Variants in SNTG2 observed in about 807,000 individuals in gnomAD.
SNTG2 encodes the protein syntrophin gamma 2.
A neutral mutation model predicts 70.9 loss-of-function variants in SNTG2; 74 were observed. The ratio of observed to expected loss-of-function variants is 1.04; its 90% CI spans 0.86 to 1.27. The LOEUF is 1.27. Ranked by LOEUF, SNTG2 falls within the 50% of genes most tolerant of loss-of-function variation. The pLI, the probability that SNTG2 is intolerant of heterozygous loss-of-function variation, is 0.00. For missense variants in SNTG2, 717 were observed against 690.7 expected (o/e 1.04, Z -0.43); for synonymous variants, 278 against 273.8 (o/e 1.02, Z -0.15).
Position 1,239,742 on chromosome 2 carries a change from A to C in SNTG2, c.854A>C (p.Lys285Thr). The C allele has an allele frequency of 5.0e-6, 8 of 1,613,476 alleles. No homozygotes were observed. Among genetic ancestry groups the C allele is most frequent in the Non-Finnish European group, 6.8e-6 (8 of 1,179,770 alleles). Reference sequence around the variant, plus strand: ...TCTTCTGCCTTCTCTCCACAGATGAAGATGGCGAACAAATGCTGCTCTCCT... The same window carrying C: ...TCTTCTGCCTTCTCTCCACAGATGACGATGGCGAACAAATGCTGCTCTCCT... ...NIRELTLQNM[K>T]MANKCCSPSD... The change falls in exon 11 of 17, where the codon AAG becomes ACG. Residue 285 changes from lysine (K) to threonine (T), a missense_variant. Lys to Thr is a moderately conservative substitution (Grantham distance 78, BLOSUM62 -1). Coordinates refer to ENST00000308624, the MANE Select transcript of SNTG2 (RefSeq NM_018968.4).
chr2:1,267,612 G>GAGCA, intron 14 of SNTG2, 41 bp downstream of exon 14: 10 of 1,533,838 alleles, frequency 6.5e-6, no homozygotes, highest in Non-Finnish European at 8.1e-6. Flanking sequence ...ACACCTGCTC[G>GAGCA]GGTGTCTGAG....
chr2:1,040,298 C>T (rs1490325257), intron 1 of SNTG2, among the ~76,000 whole-genome samples: 1 of 152,182 alleles, frequency 6.6e-6, no homozygotes, highest in African/African-American at 2.4e-5. Flanking sequence ...CAGGCCATTC[C>T]ACTGGGGACC....
At chr2:1,247,852 T>TTAAAAATACCTTATTTAAAATACC (rs1185291220) in intron 12 of SNTG2, among the ~76,000 whole-genome samples, 1 of 152,202 alleles carries the variant, frequency 6.6e-6, no homozygotes. Context: ...TCTCCCAAGT[T>TTAAAAATACCTTATTTAAAATACC]TTATTTAAAA....
At chr2:1,171,500 A>G (rs1168312831) in intron 7 of SNTG2, among the ~76,000 whole-genome samples, 1 of 152,218 alleles carries the variant, frequency 6.6e-6, no homozygotes, top group Non-Finnish European at 1.5e-5. Context: ...CAAATAGATA[A>G]CAGTGAAATG....
intron 1 of SNTG2, among the ~76,000 whole-genome samples, chr2:965,938 G>T (rs1263362040): frequency 1.1e-4 from 17 of 152,106 alleles, no homozygotes; most frequent in Non-Finnish European, 1.3e-4. Context: ...AGGGCGGGCT[G>T]GGCCCAGCTC....
chr2:1,067,608 CAA>C (rs1206480386), intron 1 of SNTG2, among the ~76,000 whole-genome samples: 1 of 152,090 alleles, frequency 6.6e-6, no homozygotes, highest in Non-Finnish European at 1.5e-5. Flanking sequence ...AGTTTGGGCT[CAA>C]AGAGAGCAAG....
At chr2:1,219,922 A>G (rs1001018034) in intron 9 of SNTG2, 6 of 152,244 alleles carry the variant, frequency 3.9e-5, no homozygotes, top group African/African-American at 1.2e-4. Flanking sequence ...GATGGGCTCT[A>G]TAGTAGTCAT....
chr2:1,157,571 T>G (rs888667504), intron 6 of SNTG2, among the ~76,000 whole-genome samples: 22 of 152,208 alleles, frequency 1.4e-4, no homozygotes, highest in African/African-American at 5.3e-4. Context: ...TGGGTTTCAA[T>G]GTTGAAAGGA....
chr2:957,816 C>G (rs1015491376), intron 1 of SNTG2, among the ~76,000 whole-genome samples: 6 of 152,234 alleles, frequency 3.9e-5, no homozygotes, highest in African/African-American at 1.4e-4. Flanking sequence ...CCTGGAGCCT[C>G]TGGAGGAATT....
At chr2:1,070,835 G>A (rs1490740250) in intron 1 of SNTG2, among the ~76,000 whole-genome samples, 1 of 152,204 alleles carries the variant, frequency 6.6e-6, no homozygotes, top group South Asian at 2.1e-4. Flanking sequence ...CCTGCTGCTG[G>A]TGGAGTCTGT....
At chr2:1,267,687 T>A in intron 14 of SNTG2, 116 bp downstream of exon 14, 1 of 941,066 alleles carries the variant, frequency 1.1e-6, no homozygotes, top group Non-Finnish European at 1.6e-6. Context: ...AAGGTGAGAA[T>A]CTTTCACCGG....
intron 1 of SNTG2, among the ~76,000 whole-genome samples, chr2:973,173 G>T (rs1011235889): frequency 1.3e-5 from 2 of 151,972 alleles, no homozygotes; most frequent in Non-Finnish European, 2.9e-5. Flanking sequence ...TATTTAATCC[G>T]TATTTCTGTC....
intron 14 of SNTG2, among the ~76,000 whole-genome samples, chr2:1,279,421 T>C (rs1324416981): frequency 6.6e-6 from 1 of 152,238 alleles, no homozygotes; most frequent in African/African-American, 2.4e-5. Flanking sequence ...AAACATCGTA[T>C]AGAGCACAGA....
chr2:954,388 T>G (rs540362227), intron 1 of SNTG2, among the ~76,000 whole-genome samples: 1 of 152,214 alleles, frequency 6.6e-6, no homozygotes, highest in East Asian at 1.9e-4. Flanking sequence ...GAGGTATTTT[T>G]GTTGAGTGAG....
chr2:1,281,567 A>G (rs62108104), intron 14 of SNTG2, among the ~76,000 whole-genome samples: 97,568 of 150,184 alleles, frequency 0.65, 32,154 homozygotes, highest in Middle Eastern at 0.83. Context: ...GTGTGTGCAC[A>G]AGTGTGCATC....
At chr2:1,246,212 C>T (rs1677416026) in intron 11 of SNTG2, among the ~76,000 whole-genome samples, 1 of 152,210 alleles carries the variant, frequency 6.6e-6, no homozygotes. Context: ...GATAGCTGTT[C>T]GGCTACGCGT....
At chr2:1,348,323 T>C (rs1196149261) in intron 16 of SNTG2, among the ~76,000 whole-genome samples, 1 of 152,260 alleles carries the variant, frequency 6.6e-6, no homozygotes, top group African/African-American at 2.4e-5. Context: ...CAGGCCATGA[T>C]AGGAAATAAG....
chr2:1,365,566 T>G (rs56113903), intron 16 of SNTG2, among the ~76,000 whole-genome samples: 1 of 151,782 alleles, frequency 6.6e-6, no homozygotes, highest in Admixed American at 6.6e-5. Context: ...GAAGTCCTCT[T>G]CCGGCAGGCT....
At chr2:977,889 C>T (rs1485126697) in intron 1 of SNTG2, among the ~76,000 whole-genome samples, 2 of 152,210 alleles carry the variant, frequency 1.3e-5, no homozygotes, top group Admixed American at 6.5e-5. Context: ...CTGATCTCAT[C>T]TCTTTCATCT....
Sources: allele counts gnomAD v4.1 joint callset (sites outside exome capture counted in the v4.1 genomes callset), GRCh38; gene constraint gnomAD v4.1.1; transcripts MANE v1.5; gene names NCBI Gene and HGNC (gene_info 2026-07-23, HGNC 2026-07-21).